The following IMPG1 variants were observed in gnomAD, a reference collection of about 807,000 sequenced individuals.
IMPG1 encodes the protein interphotoreceptor matrix proteoglycan of 150 kDa.
IMPG1 carries 85 observed loss-of-function variants against 92.0 expected under a neutral mutation model. The ratio of observed to expected loss-of-function variants is 0.92; its 90% confidence interval spans 0.78 to 1.11. The LOEUF is 1.11. IMPG1 is among the 50% of genes least tolerant of loss of function. The probability of loss-of-function intolerance (pLI) is 0.00; values close to 1 mark genes in which losing one functional copy is unlikely to be tolerated. For synonymous variants in IMPG1, 367 were observed against 334.1 expected (o/e 1.10, Z -1.08); for missense variants, 1,022 against 956.0 (o/e 1.07, Z -0.91).
chr6:75,962,406 C>T (rs993219725), intron 12 of IMPG1, among the ~76,000 whole-genome samples: 8 of 152,142 alleles, frequency 5.3e-5, no homozygotes, highest in Non-Finnish European at 8.8e-5. Context: ...GGAGACATGA[C>T]CCATCATGTC....
At chr6:76,059,487 G>GTGCT (rs2127597487) in intron 1 of IMPG1, among the ~76,000 whole-genome samples, 1 of 152,046 alleles carries the variant, frequency 6.6e-6, no homozygotes, top group South Asian at 2.1e-4. Context: ...CAGCTATTCT[G>GTGCT]AGATCAGTTA....
chr6:75,924,566 ATT>A lies in IMPG1; in HGVS notation c.2244-862_2244-861del, dbSNP rs1447576978. On this transcript the variant is annotated intron_variant, in intron 15 of 16. Transcript: ENST00000369950. The stretch of plus-strand genomic sequence containing the variant: ...TATAATATAATTAATATAATTATAT[ATT>A]ATATATAATTAATATAATTATATAT... Among the ~76,000 whole-genome samples the A allele has an allele frequency of 9.3e-4, 29 of 31,156 alleles. 5 individuals are homozygous for A. The highest frequency in any genetic ancestry group is 5.3e-3 in the Admixed American group (8 of 1,516). 20.4% of individuals were successfully genotyped at this position (31,156 alleles called of 152,430 possible).
intron 12 of IMPG1, among the ~76,000 whole-genome samples, chr6:75,983,869 G>A (rs188554077): frequency 6.6e-6 from 1 of 151,838 alleles, no homozygotes; most frequent in Admixed American, 6.6e-5. Flanking sequence ...AAAACTCAAT[G>A]GCAAAAAAGC....
chr6:75,984,753 C>T (rs1016879561), intron 12 of IMPG1, among the ~76,000 whole-genome samples: 8 of 152,168 alleles, frequency 5.3e-5, no homozygotes, highest in African/African-American at 1.9e-4. Flanking sequence ...AGATCCTTCA[C>T]GAATGGCTTA....
At chr6:76,066,091 A>G (rs921997753) in intron 1 of IMPG1, among the ~76,000 whole-genome samples, 13 of 152,146 alleles carry the variant, frequency 8.5e-5, no homozygotes, top group Admixed American at 3.9e-4. Context: ...AAATATGGAA[A>G]TGAAAAAACA....
intron 15 of IMPG1, among the ~76,000 whole-genome samples, chr6:75,928,858 TATTA>T (rs1489395336): frequency 6.6e-6 from 1 of 152,244 alleles, no homozygotes; most frequent in African/African-American, 2.4e-5. Context: ...ACAGTATTGT[TATTA>T]ATTTATTACA....
At chr6:76,055,010 G>C (rs551588083) in intron 1 of IMPG1, among the ~76,000 whole-genome samples, 163 of 152,080 alleles carry the variant, frequency 1.1e-3, no homozygotes, top group African/African-American at 3.8e-3. Context: ...CTTAATTGAT[G>C]GAATGAACAA....
chr6:76,021,590 A>C (rs927235609), intron 6 of IMPG1, among the ~76,000 whole-genome samples: 7 of 151,788 alleles, frequency 4.6e-5, no homozygotes, highest in African/African-American at 1.7e-4. Flanking sequence ...TTGCCTTAGA[A>C]CACTGTGTTT....
At chr6:75,954,325 T>C (rs189163735) in intron 12 of IMPG1, among the ~76,000 whole-genome samples, 84 of 152,378 alleles carry the variant, frequency 5.5e-4, no homozygotes, top group Non-Finnish European at 1.0e-3. Flanking sequence ...TGAGATGGTA[T>C]CTCATTGTGG....
rs143225398 is a variant in IMPG1 at position 76,020,476 on chromosome 6, G to A, written c.667-1618C>T. Among the ~76,000 whole-genome samples, 209 of 152,330 alleles carry A rather than the reference G, an allele frequency of 1.4e-3. 1 individual carries two copies. The highest frequency in any genetic ancestry group is 4.8e-3 in the African/African-American group (200 of 41,554). The stretch of plus-strand genomic sequence containing the variant: ...CTCTGATTTATCTTGTAGAGCTGGT[G>A]AGGCTGAACTTTGTGCCTTTGCCCT... On this transcript the variant is annotated intron_variant, in intron 6 of 16. Coordinates refer to ENST00000369950, the MANE Select transcript of IMPG1 (RefSeq NM_001563.4).
intron 4 of IMPG1, among the ~76,000 whole-genome samples, chr6:76,026,533 C>T (rs765499618): frequency 6.6e-5 from 10 of 152,194 alleles, no homozygotes; most frequent in South Asian, 2.1e-4. Context: ...GGGGCTGGGA[C>T]GTATGGTCCA....
intron 1 of IMPG1, among the ~76,000 whole-genome samples, chr6:76,050,331 T>G (rs1206644928): frequency 6.6e-6 from 1 of 151,998 alleles, no homozygotes. Flanking sequence ...TAATCCCAGC[T>G]ACTTGGGAGG....
intron 4 of IMPG1, among the ~76,000 whole-genome samples, chr6:76,031,497 G>C (rs1783652850): frequency 1.3e-5 from 2 of 152,216 alleles, no homozygotes; most frequent in Non-Finnish European, 2.9e-5. Flanking sequence ...TGTAAACACA[G>C]ATGACTACAG....
chr6:75,994,792 A>C (rs1427832971), intron 12 of IMPG1, among the ~76,000 whole-genome samples: 2 of 152,212 alleles, frequency 1.3e-5, no homozygotes, highest in African/African-American at 4.8e-5. Flanking sequence ...CAGCAAAACC[A>C]TATAAACCAT....
chr6:75,982,022 T>G (rs1782635402), intron 12 of IMPG1, among the ~76,000 whole-genome samples: 1 of 152,238 alleles, frequency 6.6e-6, no homozygotes, highest in South Asian at 2.1e-4. Context: ...ATGATATTTC[T>G]TCCACTTTTA....
chr6:76,018,396 C>T (rs1025241273), intron 7 of IMPG1, among the ~76,000 whole-genome samples: 4 of 152,076 alleles, frequency 2.6e-5, no homozygotes, highest in African/African-American at 7.2e-5. Flanking sequence ...TACTATTGAC[C>T]TTCTTAATGA....
intron 12 of IMPG1, among the ~76,000 whole-genome samples, chr6:75,990,188 A>G (rs1397759963): frequency 6.6e-6 from 1 of 152,248 alleles, no homozygotes; most frequent in African/African-American, 2.4e-5. Context: ...TTTAGTAAGC[A>G]TATTATTACA....
chr6:76,040,107 G>T, intron 2 of IMPG1, among the ~76,000 whole-genome samples: 1 of 152,282 alleles, frequency 6.6e-6, no homozygotes, highest in Middle Eastern at 3.4e-3. Context: ...AACCCATGCT[G>T]ATGAATAGTA....
rs140064246 is a variant in IMPG1, at chr6:75,995,374, C to T, written c.1291+7544G>A. On this transcript the variant is annotated intron_variant, in intron 12 of 16. Transcript: ENST00000369950. ...GTGATTCTTTGCAGGGCTTATAAAG[C>T]TCTATGCTTCTAGAGCTTCACCATT... is the stretch of plus-strand genomic sequence containing the variant. 1.3e-3 allele frequency among the ~76,000 whole-genome samples: 192 copies of T among 152,268 alleles called. 5 individuals carry two copies. In the East Asian group the frequency reaches 0.031, roughly 25 times the overall value.
Sources: allele counts gnomAD v4.1 joint callset (sites outside exome capture counted in the v4.1 genomes callset), GRCh38; gene constraint gnomAD v4.1.1; transcripts MANE v1.5; gene names NCBI Gene and HGNC (gene_info 2026-07-23, HGNC 2026-07-21).